ZNF384: variants seen among roughly 807,000 people sequenced by gnomAD.
The protein encoded by ZNF384 is zinc finger protein 384, also known as CAG repeat protein 1.
ZNF384 carries 20 observed loss-of-function variants against 65.0 expected under a neutral mutation model. The ratio of observed to expected loss-of-function variants is 0.31; its 90% confidence interval spans 0.22 to 0.45. The LOEUF is 0.45. Among genes scored for constraint, ZNF384 ranks in the 20% least tolerant of loss-of-function variants. The pLI is 1.00. For missense variants in ZNF384, 549 were observed against 769.4 expected, an observed-to-expected ratio of 0.71 and a Z score of 3.39; for synonymous variants, 310 against 303.9, an observed-to-expected ratio of 1.02 and a Z score of -0.21.
intron 10 of ZNF384, among the ~76,000 whole-genome samples, chr12:6,670,253 A>AC (rs573551452): frequency 1.1e-4 from 17 of 151,768 alleles, no homozygotes; most frequent in Non-Finnish European, 2.1e-4. Flanking sequence ...AGATAGCAAG[A>AC]CCCCATCTCT....
At position 6,667,900 on chromosome 12, in the gene ZNF384, CTGT is replaced by C. The variant is rs767314503; in HGVS notation, c.1638_1640del (p.Gln547del). 283 of 1,592,880 alleles carry C rather than the reference CTGT, an allele frequency of 1.8e-4. No homozygotes were observed. Among genetic ancestry groups the C allele is most frequent in the Non-Finnish European group, 2.2e-4 (256 of 1,173,904 alleles). On this transcript the variant is annotated inframe_deletion, in exon 12 of 12. Coordinates refer to ENST00000683879, the MANE Select transcript of ZNF384 (RefSeq NM_001385745.1). ...CAGGAGACTGGAAGTGTGGTGGTGG[CTGT>C]TGCTGCTGCTGCTGCTGCTGCTGCT...
rs1437248698 is a variant in ZNF384 at position 6,668,173 on chromosome 12, G to A, written c.1426-58C>T. 1.9e-5 allele frequency: 28 copies of A among 1,472,104 alleles called. No homozygotes were observed. In the East Asian group the frequency reaches 5.7e-4, roughly 30 times the overall value. The allele number at this position is 1,472,104 out of a possible 1,614,324, so 91.2% of individuals were successfully genotyped here. A position where few individuals can be genotyped will look rare whatever the true frequency, so the allele number is the denominator to read the frequency against. On this transcript the variant is annotated intron_variant, in intron 11 of 11. Transcript: ENST00000683879. ...AAAGAGGAAGGAAAAGAGATTACTT[G>A]TAACTAGCACCCCAGGCTCTGATTC...
At chr12:6,677,352 C>T (rs888441154) in intron 6 of ZNF384, 93 bp from the exon 7 acceptor site, 1 of 1,194,282 alleles carries the variant, frequency 8.4e-7, no homozygotes, top group Non-Finnish European at 1.1e-6. Flanking sequence ...CTGTCTATAT[C>T]AAAGCTGTGA....
Position 6,673,502 on chromosome 12 carries a change from C to A in ZNF384, c.780-62G>T. 6.8e-7 allele frequency: 1 copy of A among 1,465,522 alleles called. No homozygotes were observed. 90.8% of individuals were successfully genotyped at this position (1,465,522 alleles called of 1,614,324 possible). ...ATCAAGAAGGTGTGGCTGAACCCTC[C>A]CCTCTACTTCCAAGAGAAGCCCACC... On this transcript the variant is annotated intron_variant, in intron 7 of 11. Coordinates refer to ENST00000683879, the MANE Select transcript of ZNF384 (RefSeq NM_001385745.1). The surrounding 1 kb of genome is among the most constrained non-coding windows in gnomAD (Gnocchi z 4.7).
Position 6,673,088 on chromosome 12 carries a change from G to A in ZNF384, c.1004+128C>T. On this transcript the variant is annotated intron_variant, in intron 8 of 11. Transcript: ENST00000683879. The surrounding 1 kb of genome is among the most constrained non-coding windows in gnomAD (Gnocchi z 4.7). ...ATATAATTTCCACAGACAGTAATAG[G>A]AGGTTGAGGCTACCAATGGGCAAAG... 3 of 829,394 alleles carry A rather than the reference G, an allele frequency of 3.6e-6. No homozygotes were observed. 51.4% of individuals were successfully genotyped at this position (829,394 alleles called of 1,614,324 possible). A position where few individuals can be genotyped will look rare whatever the true frequency, so the allele number is the denominator to read the frequency against.
Position 6,678,470 on chromosome 12 carries a change from GGA to G in ZNF384, c.353-12_353-11del, listed in dbSNP as rs1954596877. ...ATTACCAAACCCGGACCTAGGATTG[GGA>G]GAAAAAGGAGATGGCGTCATGTTGT... On this transcript the variant is annotated splice_polypyrimidine_tract_variant and intron_variant, in intron 5 of 11. Coordinates refer to ENST00000683879, the MANE Select transcript of ZNF384 (RefSeq NM_001385745.1). The surrounding 1 kb of genome is among the most constrained non-coding windows in gnomAD (Gnocchi z 4.9). The G allele has an allele frequency of 1.3e-5, 20 of 1,567,946 alleles. No individual in the cohort carries two copies. Among genetic ancestry groups the G allele is most frequent in the Non-Finnish European group, 1.7e-5 (20 of 1,154,706 alleles).
intron 7 of ZNF384, among the ~76,000 whole-genome samples, chr12:6,675,691 C>G (rs1241952959): frequency 6.6e-6 from 1 of 152,142 alleles, no homozygotes; most frequent in African/African-American, 2.4e-5. Context: ...GAGAACGGGA[C>G]CCCTTGGAAG....
Position 6,679,466 on chromosome 12 carries a change from C to T in ZNF384, c.55G>A (p.Val19Ile), listed in dbSNP as rs762913181. ...NPYFWPSIPTVSGQIENTMFI... is the reference protein window; with the variant it reads ...NPYFWPSIPTISGQIENTMFI... ...GCAACACCACTTACCTGACCTGAGA[C>T]TGTGGGGATAGAAGGCCAGAAGTAC... The change falls in exon 3 of 12, where the codon GTC becomes ATC. Residue 19 changes from valine (V) to isoleucine (I), a missense_variant. Around this residue, in one of 5 missense-constraint regions of ZNF384, gnomAD observed 277 missense variants for 337.2 expected, o/e 0.82. Transcript: ENST00000683879. 1 of 1,614,084 alleles carries T rather than the reference C, an allele frequency of 6.2e-7. No homozygotes were observed. The highest frequency in any genetic ancestry group is 1.1e-5 in the South Asian group (1 of 91,072).
chr12:6,669,909 G>A lies in ZNF384; in HGVS notation c.1267-720C>T, dbSNP rs187288122. The stretch of plus-strand genomic sequence containing the variant: ...TGCACTCCAGCCTAGGTGACCCAGC[G>A]AGCCTCTGTCTCAAACACGCACACG... On this transcript the variant is annotated intron_variant, in intron 10 of 11. Coordinates refer to ENST00000683879, the MANE Select transcript of ZNF384 (RefSeq NM_001385745.1). Among the ~76,000 whole-genome samples, 108 of 151,866 alleles carry A rather than the reference G, an allele frequency of 7.1e-4. 2 individuals carry two copies. In the East Asian group the frequency reaches 0.015, roughly 21 times the overall value.
chr12:6,677,349 T>C (rs1260423127), intron 6 of ZNF384, 90 bp from the exon 7 acceptor site: 5 of 1,198,532 alleles, frequency 4.2e-6, no homozygotes, highest in Non-Finnish European at 5.3e-6. Flanking sequence ...CCCCTGTCTA[T>C]ATCAAAGCTG....
Position 6,672,139 on chromosome 12 carries a change from C to T in ZNF384, c.1187+211G>A. 1 of 563,764 alleles carries T rather than the reference C, an allele frequency of 1.8e-6. No homozygotes were observed. Among genetic ancestry groups the T allele is most frequent in the Non-Finnish European group, 3.2e-6 (1 of 315,202 alleles). The allele number at this position is 563,764 out of a possible 1,614,324, so 34.9% of individuals were successfully genotyped here. The stretch of plus-strand genomic sequence containing the variant: ...AGTGAATATCATATAGTCACTGCAG[C>T]TCCCCGACGTAGCTCTTGCCCCAGA... On this transcript the variant is annotated intron_variant, in intron 9 of 11. Coordinates refer to ENST00000683879, the MANE Select transcript of ZNF384 (RefSeq NM_001385745.1). The surrounding 1 kb of genome is among the most constrained non-coding windows in gnomAD (Gnocchi z 4.4).
At chr12:6,686,565 A>T (rs534590972) in intron 2 of ZNF384, among the ~76,000 whole-genome samples, 8 of 152,302 alleles carry the variant, frequency 5.3e-5, no homozygotes, top group African/African-American at 1.4e-4. Context: ...AGACTTGTGA[A>T]TTCTAATTCT....
chr12:6,685,042 T>C (rs1198466169), intron 2 of ZNF384, among the ~76,000 whole-genome samples: 2 of 152,178 alleles, frequency 1.3e-5, no homozygotes, highest in African/African-American at 2.4e-5. Flanking sequence ...AGAGTGCCAA[T>C]TTTAATGATT....
At chr12:6,689,515 T>TA, upstream of ZNF384, 1 of 151,926 alleles carries the variant, frequency 6.6e-6, no homozygotes, top group East Asian at 1.9e-4. Flanking sequence ...AATAGCAATG[T>TA]AGGGGGGGCG....
chr12:6,684,060 T>C (rs532466836), intron 2 of ZNF384, among the ~76,000 whole-genome samples: 84 of 152,184 alleles, frequency 5.5e-4, no homozygotes, highest in Non-Finnish European at 9.0e-4. Flanking sequence ...TCATTATCAT[T>C]AAAACTTATT....
In ZNF384 at chr12:6,682,487, A is replaced by C. The variant is rs1956389580; in HGVS notation, c.-5-2962T>G. The stretch of plus-strand genomic sequence containing the variant: ...ACATGGTGAAACCCTATCTCTACAA[A>C]AAATACAAACATTTGCCAGGCATGG... On this transcript the variant is annotated intron_variant, in intron 2 of 11. Coordinates refer to ENST00000683879, the MANE Select transcript of ZNF384 (RefSeq NM_001385745.1). Among the ~76,000 whole-genome samples, 5 of 152,178 alleles carry C rather than the reference A, an allele frequency of 3.3e-5. No homozygotes were observed. In the South Asian group the frequency reaches 1.0e-3, roughly 31 times the overall value.
At chr12:6,670,642 G>T in intron 10 of ZNF384, 118 bp downstream of exon 10, 1 of 934,398 alleles carries the variant, frequency 1.1e-6, no homozygotes, top group Non-Finnish European at 1.7e-6. Context: ...AAAACTCTTT[G>T]GGTCCCTCAA....
intron 2 of ZNF384, among the ~76,000 whole-genome samples, chr12:6,682,797 T>C (rs1956510922): frequency 6.6e-6 from 1 of 152,188 alleles, no homozygotes; most frequent in Admixed American, 6.5e-5. Context: ...CTTACAAATA[T>C]CCCCAACATA....
intron 10 of ZNF384, among the ~76,000 whole-genome samples, chr12:6,669,942 G>A (rs1434981081): frequency 3.0e-4 from 42 of 139,148 alleles, no homozygotes; most frequent in South Asian, 4.4e-4. Context: ...ACGCGCGCGC[G>A]CACACACACA....
Sources: allele counts gnomAD v4.1 joint callset (sites outside exome capture counted in the v4.1 genomes callset), GRCh38; gene constraint gnomAD v4.1.1; regional missense constraint gnomAD v4.1.1; non-coding constraint Gnocchi (gnomAD v3.1); transcripts MANE v1.5; gene names NCBI Gene and HGNC (gene_info 2026-07-23, HGNC 2026-07-21).